SNX29: variants seen among roughly 807,000 people sequenced by gnomAD.
The protein encoded by SNX29 is sorting nexin 29.
SNX29 carries 78 observed loss-of-function variants against 102.1 expected under a neutral mutation model. The ratio of observed to expected loss-of-function variants is 0.76; its 90% CI spans 0.64 to 0.92. The LOEUF (loss-of-function observed/expected upper bound fraction) is 0.92, where lower values mean the gene tolerates loss of function less well. Ranked by LOEUF, SNX29 falls within the 40% of genes least tolerant of loss-of-function variation. The probability of loss-of-function intolerance (pLI) is 0.00; values close to 1 mark genes in which losing one functional copy is unlikely to be tolerated. For synonymous variants in SNX29, 580 were observed against 414.5 expected, an observed-to-expected ratio of 1.40 and a Z score of -4.85; for missense variants, 1,280 against 1,061.7, an observed-to-expected ratio of 1.21 and a Z score of -2.86.
intron 20 of SNX29, among the ~76,000 whole-genome samples, chr16:12,544,562 T>C (rs2077498917): frequency 6.6e-6 from 1 of 152,216 alleles, no homozygotes; most frequent in African/African-American, 2.4e-5. Context: ...GTTACAGTGA[T>C]GGATTCATTG....
At chr16:12,524,565 G>C (rs919912768) in intron 19 of SNX29, 137 bp from the exon 20 acceptor site, 14 of 906,054 alleles carry the variant, frequency 1.5e-5, no homozygotes, top group Non-Finnish European at 2.2e-5. Context: ...AGGGCTTAGG[G>C]ACCATTCATA....
At chr16:12,557,146 G>A (rs75344789) in intron 20 of SNX29, among the ~76,000 whole-genome samples, 3,061 of 152,148 alleles carry the variant, frequency 0.02, 92 homozygotes, top group African/African-American at 0.069. Context: ...ACTGCCCCTG[G>A]TCACAATTTC....
At chr16:12,560,618 C>G (rs1254469161) in intron 20 of SNX29, 1 of 153,266 alleles carries the variant, frequency 6.5e-6, no homozygotes, top group African/African-American at 2.4e-5. Flanking sequence ...CAACAGCTGC[C>G]TTGTCACATC....
intron 13 of SNX29, among the ~76,000 whole-genome samples, chr16:12,190,056 C>G (rs953455478): frequency 6.6e-6 from 1 of 152,170 alleles, no homozygotes; most frequent in African/African-American, 2.4e-5. Flanking sequence ...TGTAAGTTAA[C>G]TAATCTCTGA....
intron 15 of SNX29, among the ~76,000 whole-genome samples, chr16:12,287,903 T>C (rs2079651693): frequency 6.6e-6 from 1 of 152,230 alleles, no homozygotes; most frequent in Non-Finnish European, 1.5e-5. Context: ...CAGTGTTTTT[T>C]GAGGGTGTAT....
At chr16:12,528,392 G>C (rs1477741378) in intron 20 of SNX29, among the ~76,000 whole-genome samples, 1 of 152,098 alleles carries the variant, frequency 6.6e-6, no homozygotes, top group Non-Finnish European at 1.5e-5. Flanking sequence ...TAGAGATGGG[G>C]TTTTGCCATG....
rs1258137853 is a variant in SNX29 at position 12,048,454 on chromosome 16, C to T, written c.582C>T (p.Asp194=). Reference sequence around the variant, plus strand: ...GTAAGTTTGCTCCCACCGTTTCAGACCTCTTAAAGGAGTCAACGCAGAACG... The same window carrying T: ...GTAAGTTTGCTCCCACCGTTTCAGATCTCTTAAAGGAGTCAACGCAGAACG... ...GQSKFAPTVS[D]LLKESTQNVT... The change falls in exon 7 of 21, where the codon GAC becomes GAT. Residue 194 remains aspartate, a synonymous_variant. Coordinates refer to ENST00000566228, the MANE Select transcript of SNX29 (RefSeq NM_032167.5). The T allele has an allele frequency of 3.7e-6, 6 of 1,613,808 alleles. No individual in the cohort carries two copies. The highest frequency in any genetic ancestry group is 4.2e-6 in the Non-Finnish European group (5 of 1,179,872).
chr16:12,179,917 C>T (rs573214493), intron 13 of SNX29, among the ~76,000 whole-genome samples: 279 of 152,258 alleles, frequency 1.8e-3, no homozygotes, highest in Non-Finnish European at 3.3e-3. Context: ...TTTCTCTAAA[C>T]GTCAGCGATT....
chr16:12,165,078 G>C (rs6498269), intron 13 of SNX29, among the ~76,000 whole-genome samples: 1 of 152,020 alleles, frequency 6.6e-6, no homozygotes, highest in African/African-American at 2.4e-5. Flanking sequence ...TGTCGTGTTC[G>C]GCCTTTTGAG....
At chr16:12,330,283 A>G (rs1398781288) in intron 15 of SNX29, among the ~76,000 whole-genome samples, 1 of 152,112 alleles carries the variant, frequency 6.6e-6, no homozygotes, top group African/African-American at 2.4e-5. Context: ...CCTGACCAAC[A>G]TGGCGAAACC....
At chr16:12,253,027 G>A (rs957823512) in intron 14 of SNX29, among the ~76,000 whole-genome samples, 9 of 152,332 alleles carry the variant, frequency 5.9e-5, no homozygotes, top group African/African-American at 1.9e-4. Flanking sequence ...AGATAGAGAA[G>A]CTATTGGTAT....
chr16:12,483,114 G>GTTTTTTTTTTTTTTTTT lies in SNX29; in HGVS notation c.2178+5268_2178+5284dup, dbSNP rs574090459. On this transcript the variant is annotated intron_variant, in intron 19 of 20. Transcript: ENST00000566228. ...AATAGATACATATTGAAGTTATTAAGTTTTTTTTTTTTTTTTTTTTTTTTT... is the reference window on the plus strand; with the variant it reads ...AATAGATACATATTGAAGTTATTAAGTTTTTTTTTTTTTTTTTTTTTTTTTTTTTTTTTTTTTTTTTT... Among the ~76,000 whole-genome samples, 16 of 66,210 alleles carry GTTTTTTTTTTTTTTTTT rather than the reference G, an allele frequency of 2.4e-4. 2 individuals carry two copies. The highest frequency in any genetic ancestry group is 4.2e-4 in the East Asian group (1 of 2,380). The allele number at this position is 66,210 out of a possible 152,430, so 43.4% of individuals were successfully genotyped here. A position where few individuals can be genotyped will look rare whatever the true frequency, so the allele number is the denominator to read the frequency against.
At chr16:12,536,386 C>T (rs1395744385) in intron 20 of SNX29, among the ~76,000 whole-genome samples, 1 of 151,920 alleles carries the variant, frequency 6.6e-6, no homozygotes, top group African/African-American at 2.4e-5. Context: ...ATGACTTTCA[C>T]ATTAAAGGTA....
chr16:12,135,120 C>T (rs141073752), intron 13 of SNX29, among the ~76,000 whole-genome samples: 107 of 152,304 alleles, frequency 7.0e-4, no homozygotes, highest in African/African-American at 2.5e-3. Flanking sequence ...TCTACTCAGG[C>T]CCTGCTTGGA....
intron 18 of SNX29, among the ~76,000 whole-genome samples, chr16:12,426,090 T>C (rs1156606812): frequency 1.3e-5 from 2 of 152,036 alleles, no homozygotes; most frequent in Non-Finnish European, 2.9e-5. Flanking sequence ...TCTTATTTTT[T>C]TTTTTTAAAA....
At chr16:12,149,024 C>T (rs1023208603) in intron 13 of SNX29, among the ~76,000 whole-genome samples, 23 of 152,206 alleles carry the variant, frequency 1.5e-4, no homozygotes, top group Admixed American at 9.2e-4. Flanking sequence ...ATTAGTTCAC[C>T]GATAGATCTA....
At chr16:12,275,170 G>A (rs1596719847) in intron 14 of SNX29, among the ~76,000 whole-genome samples, 1 of 152,178 alleles carries the variant, frequency 6.6e-6, no homozygotes, top group Non-Finnish European at 1.5e-5. Flanking sequence ...TGATCTGGCT[G>A]TGCCATTCCA....
At chr16:12,129,001 G>T (rs1482027242) in intron 12 of SNX29, among the ~76,000 whole-genome samples, 4 of 152,190 alleles carry the variant, frequency 2.6e-5, no homozygotes, top group Admixed American at 6.5e-5. Flanking sequence ...CCAGCCCCCT[G>T]TTGGAGGGTT....
At chr16:12,341,757 CGTT>C (rs907287221) in intron 15 of SNX29, among the ~76,000 whole-genome samples, 11 of 152,200 alleles carry the variant, frequency 7.2e-5, no homozygotes, top group African/African-American at 2.7e-4. Context: ...ACCTGGAACT[CGTT>C]GGCCCTAAGT....
Sources: gnomAD v4.1 joint callset for allele counts (sites outside exome capture counted in the v4.1 genomes callset) on GRCh38, gnomAD v4.1.1 for gene constraint, MANE v1.5 for transcripts, NCBI Gene and HGNC (gene_info 2026-07-23, HGNC 2026-07-21) for gene names.